Variants in PRIM2 observed in about 807,000 individuals in gnomAD.
PRIM2 encodes the protein DNA primase large subunit.
In PRIM2, 39 loss-of-function variants were observed where a neutral mutation model predicts 67.3. The ratio of observed to expected loss-of-function variants is 0.58; its 90% CI spans 0.45 to 0.76. The LOEUF (loss-of-function observed/expected upper bound fraction) is 0.76, where lower values mean the gene tolerates loss of function less well. Ranked by LOEUF, PRIM2 falls within the 30% of genes least tolerant of loss-of-function variation. The pLI, the probability that PRIM2 is intolerant of heterozygous loss-of-function variation, is 0.00. For missense variants in PRIM2, 398 were observed against 598.7 expected (o/e 0.66, Z 3.50); for synonymous variants, 143 against 198.7 (o/e 0.72, Z 2.36).
intron 8 of PRIM2, among the ~76,000 whole-genome samples, chr6:57,507,695 G>A (rs1554347338): frequency 3.9e-5 from 6 of 152,056 alleles, no homozygotes; most frequent in Non-Finnish European, 8.8e-5. Context: ...ATAAGTTTAA[G>A]TTAAATGAGT....
At chr6:57,229,613 G>A in the PRIM2 span, among the ~76,000 whole-genome samples, 4 of 151,732 alleles carry the variant, frequency 2.6e-5, no homozygotes, top group African/African-American at 4.8e-5. Flanking sequence ...TTAGCCTCCC[G>A]GGTAGCTGGG....
At chr6:57,489,574 G>A (rs1281012644) in intron 7 of PRIM2, among the ~76,000 whole-genome samples, 1 of 152,284 alleles carries the variant, frequency 6.6e-6, no homozygotes, top group African/African-American at 2.4e-5. Context: ...AAAGAAAAGG[G>A]TTAGATTATT....
intron 9 of PRIM2, among the ~76,000 whole-genome samples, chr6:57,536,018 TC>T (rs1483372628): frequency 7.9e-5 from 12 of 152,270 alleles, no homozygotes; most frequent in Admixed American, 5.2e-4. Context: ...ACAAAAATGG[TC>T]TCATGAAAAG....
rs9382735 is a variant in PRIM2, at chr6:57,415,562, C to T, written c.693+33394C>T. Among the ~76,000 whole-genome samples, 14 of 152,212 alleles carry T rather than the reference C, an allele frequency of 9.2e-5. No individual in the cohort carries two copies. The East Asian group carries it at 1.4e-3, about 15-fold the overall frequency. Reference sequence around the variant, plus strand: ...AGGGTCTTGCCTCAATGTTGATGTCCGCTGACTAATCAGAGTGGTGATTGC... The same window carrying T: ...AGGGTCTTGCCTCAATGTTGATGTCTGCTGACTAATCAGAGTGGTGATTGC... On this transcript the variant is annotated intron_variant, in intron 7 of 13. Transcript: ENST00000615550.
At chr6:57,407,618 C>A (rs12528759) in intron 7 of PRIM2, among the ~76,000 whole-genome samples, 1 of 152,140 alleles carries the variant, frequency 6.6e-6, no homozygotes. Context: ...TTGCATATTG[C>A]GGGTTAGGCC....
chr6:57,464,905 T>A (rs1438353027), intron 7 of PRIM2, among the ~76,000 whole-genome samples: 1 of 152,144 alleles, frequency 6.6e-6, no homozygotes, highest in Non-Finnish European at 1.5e-5. Context: ...ACCGTCCCTC[T>A]TTTTCAGATA....
intron 7 of PRIM2, among the ~76,000 whole-genome samples, chr6:57,418,647 G>T (rs13207640): frequency 6.6e-6 from 1 of 151,590 alleles, no homozygotes; most frequent in African/African-American, 2.4e-5. Context: ...TGATCCACCC[G>T]CCTCGGCCTC....
At chr6:57,339,895 A>G (rs1295874106) in intron 5 of PRIM2, among the ~76,000 whole-genome samples, 1 of 151,016 alleles carries the variant, frequency 6.6e-6, no homozygotes, top group East Asian at 1.9e-4. Context: ...ACAGCAAAAG[A>G]AACTACCATC....
At chr6:57,485,609 G>GA (rs1167499487) in intron 7 of PRIM2, among the ~76,000 whole-genome samples, 2 of 152,056 alleles carry the variant, frequency 1.3e-5, no homozygotes, top group South Asian at 2.1e-4. Flanking sequence ...GAAGCTATGG[G>GA]AAAAAAATGT....
At chr6:57,307,292 T>C in the PRIM2 span, among the ~76,000 whole-genome samples, 3 of 151,416 alleles carry the variant, frequency 2.0e-5, no homozygotes, top group East Asian at 3.9e-4. Flanking sequence ...CTTGCTCTGT[T>C]GCCCAGGCTG....
intron 12 of PRIM2, among the ~76,000 whole-genome samples, chr6:57,625,647 C>G (rs1423221605): frequency 1.3e-5 from 2 of 151,738 alleles, no homozygotes; most frequent in Admixed American, 1.3e-4. Context: ...AGAAGCTTTC[C>G]AATAAAAAAG....
At chr6:57,291,037 C>G in the PRIM2 span, among the ~76,000 whole-genome samples, 2 of 151,862 alleles carry the variant, frequency 1.3e-5, no homozygotes, top group Non-Finnish European at 2.9e-5. Flanking sequence ...ACAAAAAAAC[C>G]CTTCAAAAAA....
chr6:57,497,940 A>G (rs1295400339), intron 7 of PRIM2, among the ~76,000 whole-genome samples: 12 of 152,210 alleles, frequency 7.9e-5, no homozygotes, highest in Non-Finnish European at 1.8e-4. Flanking sequence ...GGAATCTCAC[A>G]GTTTGGGGTT....
At chr6:57,317,326 C>G (rs1767509976), upstream of PRIM2, among the ~76,000 whole-genome samples, 1 of 152,146 alleles carries the variant, frequency 6.6e-6, no homozygotes, top group South Asian at 2.1e-4. Flanking sequence ...TGTCCCCAGA[C>G]GAAGTTACAT....
Position 57,317,695 on chromosome 6 carries a change from C to T in PRIM2, c.-16C>T, listed in dbSNP as rs990083561. 6 of 152,694 alleles carry T rather than the reference C, an allele frequency of 3.9e-5. No individual in the cohort carries two copies. Among genetic ancestry groups the T allele is most frequent in the Admixed American group, 2.0e-4 (3 of 15,284 alleles). 9.5% of individuals were successfully genotyped at this position (152,694 alleles called of 1,614,324 possible). The stretch of plus-strand genomic sequence containing the variant: ...GTTTGTGTTTTCCCGAGTTTGAATT[C>T]TTGCAGGTAGGGGAAACTTCCGCGA... On this transcript the variant is annotated 5_prime_UTR_variant, in exon 1 of 14. Coordinates refer to ENST00000615550, the MANE Select transcript of PRIM2 (RefSeq NM_000947.5).
intron 7 of PRIM2, among the ~76,000 whole-genome samples, chr6:57,439,402 CTG>C: frequency 9.6e-6 from 1 of 104,394 alleles, no homozygotes; most frequent in East Asian, 2.8e-4. Context: ...TAGAGGTACT[CTG>C]TTTTTTTTTT....
chr6:57,308,404 T>C, the PRIM2 span, among the ~76,000 whole-genome samples: 1 of 152,220 alleles, frequency 6.6e-6, no homozygotes, highest in Non-Finnish European at 1.5e-5. Context: ...ATTACAGGTG[T>C]GAGCCACTGT....
chr6:57,635,804 A>G (rs1307706165), intron 13 of PRIM2, among the ~76,000 whole-genome samples: 4 of 151,626 alleles, frequency 2.6e-5, no homozygotes, highest in Non-Finnish European at 5.9e-5. Context: ...TAGCTTCCTA[A>G]CTCGTTTCCC....
At position 57,326,049 on chromosome 6, in the gene PRIM2, A is replaced by G. The variant is rs1463195370; in HGVS notation, c.459+4A>G. ...TAGCCAATTGCAGTTTGAGGCTGTA[A>G]GTATATTTTTGTAGTTATTTCTAAT... On this transcript the variant is annotated splice_donor_region_variant and intron_variant, in intron 5 of 13. Transcript: ENST00000615550. 6.2e-7 allele frequency: 1 copy of G among 1,609,548 alleles called. No homozygotes were observed. The highest frequency in any genetic ancestry group is 1.1e-5 in the South Asian group (1 of 89,804).
Sources: gnomAD v4.1 joint callset for allele counts (sites outside exome capture counted in the v4.1 genomes callset) on GRCh38, gnomAD v4.1.1 for gene constraint, MANE v1.5 for transcripts, NCBI Gene and HGNC (gene_info 2026-07-23, HGNC 2026-07-21) for gene names.